CACNA2D3: variants seen among roughly 807,000 people sequenced by gnomAD.
CACNA2D3 encodes calcium voltage-gated channel auxiliary subunit alpha2delta 3.
A neutral mutation model predicts 160.6 loss-of-function variants in CACNA2D3; 60 were observed. The ratio of observed to expected loss-of-function variants is 0.37; its 90% confidence interval spans 0.30 to 0.46. CACNA2D3 has a LOEUF of 0.46. Among genes scored for constraint, CACNA2D3 ranks in the 20% least tolerant of loss-of-function variants. The probability of loss-of-function intolerance (pLI) is 1.00; values close to 1 mark genes in which losing one functional copy is unlikely to be tolerated. For synonymous variants in CACNA2D3, 558 were observed against 492.9 expected (o/e 1.13, Z -1.75); for missense variants, 1,205 against 1,365.0 (o/e 0.88, Z 1.85).
rs184781964 is a variant in CACNA2D3 at position 54,595,091 on chromosome 3, A to T, written c.963+13214A>T. On this transcript the variant is annotated intron_variant, in intron 9 of 37. Transcript: ENST00000474759. ...TTTTAAAAGAGTATCACTGAATATGATGTGTTGGGACATTTATGTGATAAT... is the reference window on the plus strand; with the variant it reads ...TTTTAAAAGAGTATCACTGAATATGTTGTGTTGGGACATTTATGTGATAAT... Among the ~76,000 whole-genome samples the T allele has an allele frequency of 1.8e-4, 27 of 152,290 alleles. No individual in the cohort carries two copies. The East Asian group carries it at 5.2e-3, about 29-fold the overall frequency.
intron 2 of CACNA2D3, among the ~76,000 whole-genome samples, chr3:54,134,795 G>T (rs972455599): frequency 6.6e-6 from 1 of 152,182 alleles, no homozygotes; most frequent in African/African-American, 2.4e-5. Flanking sequence ...TGCCCATCTG[G>T]GTCAGCACGC....
intron 2 of CACNA2D3, among the ~76,000 whole-genome samples, chr3:54,201,382 A>T (rs1381828684): frequency 1.3e-5 from 2 of 152,230 alleles, no homozygotes; most frequent in African/African-American, 4.8e-5. Context: ...TTTGAATAAG[A>T]ATATTGCTCT....
chr3:54,543,408 A>G lies in CACNA2D3; in HGVS notation c.545-19392A>G, dbSNP rs533741496. 2.9e-3 allele frequency among the ~76,000 whole-genome samples: 436 copies of G among 152,324 alleles called. 3 individuals carry two copies. The highest frequency in any genetic ancestry group is 9.9e-3 in the African/African-American group (410 of 41,568). On this transcript the variant is annotated intron_variant, in intron 5 of 37. Transcript: ENST00000474759. Reference sequence around the variant, plus strand: ...CCTTTCTGATCATTTGATTTTTTTAACAGCGGATATTTTTGTTAACCAATT... The same window carrying G: ...CCTTTCTGATCATTTGATTTTTTTAGCAGCGGATATTTTTGTTAACCAATT...
intron 2 of CACNA2D3, among the ~76,000 whole-genome samples, chr3:54,153,876 A>G (rs1163432293): frequency 6.6e-6 from 1 of 152,222 alleles, no homozygotes; most frequent in Non-Finnish European, 1.5e-5. Flanking sequence ...TTTCTGCTGC[A>G]GTTCCTTTGG....
chr3:54,816,962 C>A (rs1046669120), intron 14 of CACNA2D3, 92 bp downstream of exon 14: 337 of 1,441,662 alleles, frequency 2.3e-4, no homozygotes, highest in Non-Finnish European at 3.0e-4. Flanking sequence ...TGTTCATGAC[C>A]AGTGAAATGG....
chr3:54,558,850 T>G (rs574689237), intron 5 of CACNA2D3, among the ~76,000 whole-genome samples: 131 of 152,308 alleles, frequency 8.6e-4, no homozygotes, highest in South Asian at 4.3e-3. Context: ...TCAGAGAGGC[T>G]TTGCCCCTTA....
At chr3:54,157,658 G>C (rs1261985962) in intron 2 of CACNA2D3, among the ~76,000 whole-genome samples, 1 of 152,124 alleles carries the variant, frequency 6.6e-6, no homozygotes, top group Non-Finnish European at 1.5e-5. Flanking sequence ...GAGCATGGTG[G>C]TGCATGCCTG....
chr3:54,722,083 A>T (rs1282715004), intron 11 of CACNA2D3, among the ~76,000 whole-genome samples: 1 of 152,128 alleles, frequency 6.6e-6, no homozygotes, highest in Non-Finnish European at 1.5e-5. Flanking sequence ...ACATAGTCCC[A>T]TATTTCTTGG....
chr3:54,139,140 G>A (rs1458780060), intron 2 of CACNA2D3, among the ~76,000 whole-genome samples: 1 of 152,248 alleles, frequency 6.6e-6, no homozygotes, highest in Non-Finnish European at 1.5e-5. Flanking sequence ...GGACAGCACA[G>A]TTCCAGAGGA....
intron 35 of CACNA2D3, among the ~76,000 whole-genome samples, chr3:55,052,344 A>T (rs1704246181): frequency 6.6e-6 from 1 of 151,888 alleles, no homozygotes; most frequent in African/African-American, 2.4e-5. Flanking sequence ...TTGCTTTGTG[A>T]TCCAAAACAT....
chr3:54,930,957 G>A (rs556636204), intron 27 of CACNA2D3, among the ~76,000 whole-genome samples: 12 of 152,288 alleles, frequency 7.9e-5, no homozygotes, highest in South Asian at 2.1e-4. Flanking sequence ...TTAGCTGGGC[G>A]TGATGGTGGC....
intron 35 of CACNA2D3, among the ~76,000 whole-genome samples, chr3:55,041,835 G>C (rs1312041726): frequency 2.0e-5 from 3 of 151,966 alleles, no homozygotes; most frequent in Non-Finnish European, 4.4e-5. Context: ...ATATTCCACA[G>C]GTTTTGATAT....
chr3:54,880,076 A>G (rs1309974484), intron 20 of CACNA2D3, among the ~76,000 whole-genome samples: 1 of 152,244 alleles, frequency 6.6e-6, no homozygotes, highest in Non-Finnish European at 1.5e-5. Context: ...TACTGACTGT[A>G]GAATAATCTG....
intron 27 of CACNA2D3, among the ~76,000 whole-genome samples, chr3:54,900,673 G>A (rs1037428165): frequency 2.6e-5 from 4 of 152,190 alleles, no homozygotes; most frequent in Non-Finnish European, 5.9e-5. Context: ...TTACTAAAGA[G>A]AGCGATTTTT....
chr3:54,247,031 C>T (rs1230755067), intron 2 of CACNA2D3, among the ~76,000 whole-genome samples: 1 of 152,022 alleles, frequency 6.6e-6, no homozygotes, highest in Admixed American at 6.6e-5. Flanking sequence ...ATATCCTACT[C>T]CGGGGCGTGG....
intron 27 of CACNA2D3, among the ~76,000 whole-genome samples, chr3:54,929,518 G>A (rs1206864469): frequency 6.6e-6 from 1 of 152,102 alleles, no homozygotes; most frequent in East Asian, 1.9e-4. Flanking sequence ...GTACTTTGTG[G>A]ACTCTTTCAT....
chr3:54,401,638 A>G (rs1699467050), intron 4 of CACNA2D3, among the ~76,000 whole-genome samples: 1 of 152,344 alleles, frequency 6.6e-6, no homozygotes, highest in Middle Eastern at 3.4e-3. Flanking sequence ...AGCCAAGAAT[A>G]CTATACCCAT....
chr3:54,260,414 T>C (rs1303490944), intron 2 of CACNA2D3, among the ~76,000 whole-genome samples: 1 of 152,224 alleles, frequency 6.6e-6, no homozygotes, highest in Non-Finnish European at 1.5e-5. Context: ...GCCTTCTTGC[T>C]GTGTCATAAC....
At chr3:54,331,363 C>A (rs1704249124) in intron 3 of CACNA2D3, among the ~76,000 whole-genome samples, 1 of 152,040 alleles carries the variant, frequency 6.6e-6, no homozygotes. Flanking sequence ...CTACTCTGGC[C>A]CCAAGGAACA....
Sources: allele counts gnomAD v4.1 joint callset (sites outside exome capture counted in the v4.1 genomes callset), GRCh38; gene constraint gnomAD v4.1.1; transcripts MANE v1.5; gene names NCBI Gene and HGNC (gene_info 2026-07-23, HGNC 2026-07-21).